EIF2S3: variants seen among roughly 807,000 people sequenced by gnomAD.
EIF2S3 encodes eukaryotic translation initiation factor 2 subunit gamma.
In EIF2S3, 2 loss-of-function variants were observed where a neutral mutation model predicts 31.7. The observed-to-expected ratio is 0.06, with a 90% confidence interval of 0.03 to 0.20. EIF2S3 has a LOEUF of 0.20. EIF2S3 is among the 10% of genes least tolerant of loss of function. EIF2S3 has a pLI of 1.00. For missense variants in EIF2S3, 96 were observed against 359.3 expected (o/e 0.27, Z 5.92); for synonymous variants, 120 against 126.7 (o/e 0.95, Z 0.36).
intron 10 of EIF2S3, 93 bp from the exon 11 acceptor site, chrX:24,072,998 A>T: frequency 8.3e-6 from 8 of 960,198 alleles, no homozygotes; most frequent in African/African-American, 2.0e-5. Flanking sequence ...TATGATTGAC[A>T]TATTTCCCAA....
chrX:24,071,728 G>A lies in EIF2S3; in HGVS notation c.1182+1G>A. On this transcript the variant is annotated splice_donor_variant, in intron 10 of 11. Transcript: ENST00000253039. LOFTEE classifies it high-confidence loss of function. ...TGAAGGAGACAAGAAAGCAGCAAAG[G>A]TAAATGCTTTTTTAAAAATTCCTGT... is the stretch of plus-strand genomic sequence containing the variant. 8.3e-7 allele frequency: 1 copy of A among 1,207,549 alleles called. No individual in the cohort carries two copies. The highest frequency in any genetic ancestry group is 1.1e-6 in the Non-Finnish European group (1 of 893,408).
intron 10 of EIF2S3, 129 bp downstream of exon 10, chrX:24,071,856 C>G: frequency 1.3e-6 from 1 of 778,193 alleles, no homozygotes; most frequent in Non-Finnish European, 1.8e-6. Flanking sequence ...TAAATTTGAC[C>G]TCCCCAAAAT....
intron 5 of EIF2S3, 30 bp from the exon 6 acceptor site, chrX:24,062,386 T>G: frequency 5.9e-6 from 7 of 1,177,118 alleles, no homozygotes; most frequent in Non-Finnish European, 7.9e-6. Context: ...GCTATTCTTA[T>G]ATGCATCTTT....
chrX:24,074,862 C>CTTTTTTTTTTTTTTTTTCTTTT (rs1930727963), intron 11 of EIF2S3, among the ~76,000 whole-genome samples: 1 of 47,474 alleles, frequency 2.1e-5, no homozygotes, highest in African/African-American at 9.6e-5. Flanking sequence ...TTTTCTTCTT[C>CTTTTTTTTTTTTTTTTTCTTTT]TTTTTTTTTT....
chrX:24,074,862 C>CTTCTTTTTTTTTTTTTT (rs1555984976), intron 11 of EIF2S3, among the ~76,000 whole-genome samples: 1 of 47,474 alleles, frequency 2.1e-5, no homozygotes, highest in African/African-American at 9.6e-5. Flanking sequence ...TTTTCTTCTT[C>CTTCTTTTTTTTTTTTTT]TTTTTTTTTT....
intron 11 of EIF2S3, among the ~76,000 whole-genome samples, chrX:24,074,587 T>A (rs2318792): frequency 0.52 from 57,348 of 110,305 alleles, 12,394 homozygotes; most frequent in Non-Finnish European, 0.68. Flanking sequence ...AACTTGACTA[T>A]AATGATTACA....
chrX:24,060,136 T>C lies in EIF2S3; in HGVS notation c.432T>C (p.Thr144=). The part of the protein sequence containing the change: ...DCPGHDILMA[T]MLNGAAVMDA... The stretch of plus-strand genomic sequence containing the variant: ...CTGGCCACGATATTTTGATGGCTAC[T>C]ATGCTGAACGGTGCAGCAGTGATGG... The change falls in exon 5 of 12, where the codon ACT becomes ACC. Residue 144 remains threonine (T), a synonymous_variant. Coordinates refer to ENST00000253039, the MANE Select transcript of EIF2S3 (RefSeq NM_001415.4). 1 of 1,211,645 alleles carries C rather than the reference T, an allele frequency of 8.3e-7. No individual in the cohort carries two copies. The highest frequency in any genetic ancestry group is 1.1e-6 in the Non-Finnish European group (1 of 895,046).
At position 24,076,811 on chromosome X, in the gene EIF2S3, G is replaced by T. The variant is rs1242265121; in HGVS notation, c.*26G>T. 4 of 1,162,418 alleles carry T rather than the reference G, an allele frequency of 3.4e-6. No individual in the cohort carries two copies. Among genetic ancestry groups the T allele is most frequent in the East Asian group, 6.1e-5 (2 of 32,840 alleles). On this transcript the variant is annotated 3_prime_UTR_variant, in exon 12 of 12. Coordinates refer to ENST00000253039, the MANE Select transcript of EIF2S3 (RefSeq NM_001415.4). ...AGAATACCAGTTAAATAATACATTC[G>T]GATGGATTTGGAAGTTGGAATTCCT...
intron 1 of EIF2S3, among the ~76,000 whole-genome samples, chrX:24,055,322 AG>A (rs1458222917): frequency 9.0e-6 from 1 of 111,667 alleles, no homozygotes; most frequent in African/African-American, 3.3e-5. Flanking sequence ...ACGTCTGGGA[AG>A]GGGGTGTCCT....
At chrX:24,076,638 C>A in intron 11 of EIF2S3, 84 bp from the exon 12 acceptor site, 1 of 936,501 alleles carries the variant, frequency 1.1e-6, no homozygotes, top group Non-Finnish European at 1.5e-6. Flanking sequence ...AGAAGATAAG[C>A]AGGTAAAATT....
At position 24,073,171 on chromosome X, in the gene EIF2S3, G is replaced by A; in HGVS notation, c.1263G>A (p.Lys421=). 1 of 1,211,624 alleles carries A rather than the reference G, an allele frequency of 8.3e-7. No individual in the cohort carries two copies. Among genetic ancestry groups the A allele is most frequent in the Non-Finnish European group, 1.1e-6 (1 of 895,510 alleles). The change falls in exon 11 of 12, where the codon AAG becomes AAA. Residue 421 remains lysine (K), a synonymous_variant. Coordinates refer to ENST00000253039, the MANE Select transcript of EIF2S3 (RefSeq NM_001415.4). ...LSTGGRVSAV[K]ADLGKIVLTN... Reference sequence around the variant, plus strand: ...CAGGAGGGAGAGTTAGTGCTGTCAAGGCCGATTTGGGTAAAATTGTTTTGA... The same window carrying A: ...CAGGAGGGAGAGTTAGTGCTGTCAAAGCCGATTTGGGTAAAATTGTTTTGA...
In EIF2S3 at chrX:24,070,439, G is replaced by GTTTTT. The variant is rs768908773; in HGVS notation, c.1013-1100_1013-1096dup. Among the ~76,000 whole-genome samples, 113 of 50,973 alleles carry GTTTTT rather than the reference G, an allele frequency of 2.2e-3. 7 individuals carry two copies. The highest frequency in any genetic ancestry group is 5.7e-3 in the African/African-American group (66 of 11,653). The allele number at this position is 50,973 out of a possible 115,157, so 44.3% of individuals were successfully genotyped here. Reference sequence around the variant, plus strand: ...AAGTAGATCCCAGGAATCATATGTAGTTTTTTTTTTTTTTTTTTTTTTTGA... The same window carrying GTTTTT: ...AAGTAGATCCCAGGAATCATATGTAGTTTTTTTTTTTTTTTTTTTTTTTTTTTTGA... On this transcript the variant is annotated intron_variant, in intron 9 of 11. Transcript: ENST00000253039.
chrX:24,057,422 T>C lies in EIF2S3; in HGVS notation c.135T>C (p.Gly45=). The change falls in exon 3 of 12, where the codon GGT becomes GGC. Residue 45 remains glycine (G), a splice_region_variant and synonymous_variant. Coordinates refer to ENST00000253039, the MANE Select transcript of EIF2S3 (RefSeq NM_001415.4). ...VISRQATINI[G]TIGHVAHGKS... is the part of the protein sequence containing the mutation. Reference sequence around the variant, plus strand: ...TAATTTTTTGAACTTTGTCCATAGGTACAATTGGTCATGTAGCTCATGGGA... The same window carrying C: ...TAATTTTTTGAACTTTGTCCATAGGCACAATTGGTCATGTAGCTCATGGGA... The C allele has an allele frequency of 8.3e-7, 1 of 1,198,821 alleles. No homozygotes were observed. The highest frequency in any genetic ancestry group is 1.1e-6 in the Non-Finnish European group (1 of 891,764).
chrX:24,072,522 A>G (rs972675542), intron 10 of EIF2S3, among the ~76,000 whole-genome samples: 25 of 111,261 alleles, frequency 2.2e-4, no homozygotes, highest in African/African-American at 7.8e-4. Flanking sequence ...GGCTTGAGCA[A>G]TCTGCCCACC....
chrX:24,063,322 A>G (rs1458059732), intron 6 of EIF2S3, among the ~76,000 whole-genome samples: 1 of 112,351 alleles, frequency 8.9e-6, no homozygotes, highest in Non-Finnish European at 1.9e-5. Context: ...GATGTGATTT[A>G]TTGTTGACAT....
At chrX:24,066,154 T>C in intron 8 of EIF2S3, 62 bp downstream of exon 8, 4 of 853,211 alleles carry the variant, frequency 4.7e-6, no homozygotes, top group Non-Finnish European at 6.5e-6. Flanking sequence ...GTTTGTTTGT[T>C]TTATCCTTGT....
At chrX:24,070,750 T>C (rs1930657560) in intron 9 of EIF2S3, among the ~76,000 whole-genome samples, 1 of 111,771 alleles carries the variant, frequency 8.9e-6, no homozygotes, top group Non-Finnish European at 1.9e-5. Flanking sequence ...ATGTAGTCTT[T>C]AACTATCTTT....
In EIF2S3 at chrX:24,071,658, G is replaced by A; in HGVS notation, c.1113G>A (p.Leu371=). The A allele has an allele frequency of 8.3e-7, 1 of 1,211,134 alleles. No homozygotes were observed. Among genetic ancestry groups the A allele is most frequent in the South Asian group, 1.8e-5 (1 of 56,963 alleles). ...VGALPEIFTE[L]EISYFLLRRL... ...CTTTACCTGAGATATTCACAGAATT[G>A]GAAATTTCCTATTTCCTGCTTAGAC... The change falls in exon 10 of 12, where the codon TTG becomes TTA. Residue 371 remains leucine, a synonymous_variant. Transcript: ENST00000253039.
At position 24,064,227 on chromosome X, in the gene EIF2S3, A is replaced by G; in HGVS notation, c.664A>G (p.Ile222Val). The change falls in exon 7 of 12, where the codon ATT becomes GTT. Residue 222 changes from isoleucine (I) to valine (V), a missense_variant. Coordinates refer to ENST00000253039, the MANE Select transcript of EIF2S3 (RefSeq NM_001415.4). ...TACAGTAGCAGAGGGAGCTCCCATTATTCCAATTTCAGCTCAGCTGAAATA... is the reference window on the plus strand; with the variant it reads ...TACAGTAGCAGAGGGAGCTCCCATTGTTCCAATTTCAGCTCAGCTGAAATA... The part of the protein sequence containing the change: ...QGTVAEGAPI[I>V]PISAQLKYNI... The G allele has an allele frequency of 8.4e-7, 1 of 1,192,006 alleles. No homozygotes were observed. The highest frequency in any genetic ancestry group is 1.9e-5 in the South Asian group (1 of 52,604).
Sources: gnomAD v4.1 joint callset for allele counts (sites outside exome capture counted in the v4.1 genomes callset) on GRCh38, gnomAD v4.1.1 for gene constraint, MANE v1.5 for transcripts, NCBI Gene and HGNC (gene_info 2026-07-23, HGNC 2026-07-21) for gene names.